Variants in PTPRN2 observed in about 807,000 individuals in gnomAD.
The protein encoded by PTPRN2 is protein tyrosine phosphatase receptor type N2.
A neutral mutation model predicts 118.8 loss-of-function variants in PTPRN2; 74 were observed. The ratio of observed to expected loss-of-function variants is 0.62; its 90% CI spans 0.52 to 0.76. The LOEUF is 0.76. Among genes scored for constraint, PTPRN2 ranks in the 30% least tolerant of loss-of-function variants. The probability of loss-of-function intolerance (pLI) is 0.00; values close to 1 mark genes in which losing one functional copy is unlikely to be tolerated. For synonymous variants in PTPRN2, 641 were observed against 608.0 expected (o/e 1.05, Z -0.80); for missense variants, 1,481 against 1,394.4 (o/e 1.06, Z -0.99).
At chr7:158,340,964 G>A (rs1448639682) in intron 2 of PTPRN2, among the ~76,000 whole-genome samples, 7 of 79,054 alleles carry the variant, frequency 8.9e-5, no homozygotes, top group East Asian at 4.1e-4. Flanking sequence ...GCTGACGCCC[G>A]CAGATGTCAC....
chr7:157,752,541 TCTG>T (rs143947439), intron 12 of PTPRN2, among the ~76,000 whole-genome samples: 1,596 of 152,288 alleles, frequency 0.01, 17 homozygotes, highest in Non-Finnish European at 0.013. Flanking sequence ...CACTCTCTCT[TCTG>T]CTTCCCTGTT....
intron 10 of PTPRN2, among the ~76,000 whole-genome samples, chr7:158,087,956 A>AC (rs544306874): frequency 3.1e-4 from 25 of 81,884 alleles, no homozygotes; most frequent in East Asian, 1.2e-3. Context: ...CTTCACACAA[A>AC]CCTTCTTCCC....
intron 5 of PTPRN2, among the ~76,000 whole-genome samples, chr7:158,190,357 C>T (rs535771668): frequency 1.8e-4 from 28 of 152,310 alleles, no homozygotes; most frequent in Admixed American, 1.7e-3. Context: ...TGCTTAGTTG[C>T]TCTCAGTTAA....
At chr7:158,419,197 T>C (rs1165740190) in intron 2 of PTPRN2, among the ~76,000 whole-genome samples, 1 of 152,246 alleles carries the variant, frequency 6.6e-6, no homozygotes, top group Non-Finnish European at 1.5e-5. Context: ...CCTGAAGACA[T>C]GTGTCCTTGG....
At chr7:158,543,319 G>A in intron 1 of PTPRN2, among the ~76,000 whole-genome samples, 1 of 152,188 alleles carries the variant, frequency 6.6e-6, no homozygotes, top group Admixed American at 6.5e-5. Flanking sequence ...GGCCCGGAGG[G>A]AAGCCGCCAT....
intron 11 of PTPRN2, among the ~76,000 whole-genome samples, chr7:157,943,946 A>C (rs1309632030): frequency 6.6e-6 from 1 of 152,120 alleles, no homozygotes; most frequent in Admixed American, 6.6e-5. Context: ...CTGGTAGTTC[A>C]TCTTTTTATG....
At chr7:157,569,064 G>A (rs1377207534) in intron 20 of PTPRN2, 98 bp from the exon 21 acceptor site, 2 of 1,188,366 alleles carry the variant, frequency 1.7e-6, no homozygotes, top group South Asian at 1.2e-5. Flanking sequence ...TGCTTACGGG[G>A]GCCGGCGAGA....
chr7:157,733,872 T>G (rs555296140), intron 12 of PTPRN2, among the ~76,000 whole-genome samples: 1 of 34,552 alleles, frequency 2.9e-5, no homozygotes, highest in South Asian at 1.1e-3. Flanking sequence ...GCACAGTTAC[T>G]CTTTTCCGTC....
At chr7:157,646,886 G>A (rs1007622395) in intron 14 of PTPRN2, among the ~76,000 whole-genome samples, 6 of 151,888 alleles carry the variant, frequency 4.0e-5, no homozygotes, top group South Asian at 2.1e-4. Context: ...ACTGTGCACC[G>A]AACTCGGTGG....
At chr7:157,981,942 C>T (rs761756364) in intron 11 of PTPRN2, among the ~76,000 whole-genome samples, 7 of 152,140 alleles carry the variant, frequency 4.6e-5, no homozygotes, top group Admixed American at 2.0e-4. Flanking sequence ...ACCCCTGAGT[C>T]ATAAAGATGA....
chr7:157,747,703 T>G (rs112923112), intron 12 of PTPRN2, among the ~76,000 whole-genome samples: 1 of 108,784 alleles, frequency 9.2e-6, no homozygotes, highest in Non-Finnish European at 1.8e-5. Context: ...GGCCTGCGTC[T>G]CTCAGCTGTG....
intron 3 of PTPRN2, among the ~76,000 whole-genome samples, chr7:158,307,991 A>C (rs1801421102): frequency 6.6e-6 from 1 of 152,190 alleles, no homozygotes. Flanking sequence ...GAGAGTCCCC[A>C]ACAGCAAGAA....
chr7:157,994,362 A>C lies in PTPRN2; in HGVS notation c.1723+86936T>G, dbSNP rs574397557. Among the ~76,000 whole-genome samples, 4 of 152,326 alleles carry C rather than the reference A, an allele frequency of 2.6e-5. No individual in the cohort carries two copies. In the South Asian group the frequency reaches 6.2e-4, roughly 24 times the overall value. On this transcript the variant is annotated intron_variant, in intron 11 of 22. Coordinates refer to ENST00000389418, the MANE Select transcript of PTPRN2 (RefSeq NM_002847.5). ...GAAAATAACCAGCAGAAAACAAACA[A>C]CACATCTTAGGGAAGGGAATTTAGA...
chr7:158,482,645 T>C (rs565646910), intron 2 of PTPRN2, among the ~76,000 whole-genome samples: 1 of 152,352 alleles, frequency 6.6e-6, no homozygotes, highest in Admixed American at 6.5e-5. Context: ...AGAAAATCTG[T>C]GTGACTCACT....
intron 2 of PTPRN2, among the ~76,000 whole-genome samples, chr7:158,442,538 T>C (rs1479958319): frequency 1.3e-5 from 2 of 152,132 alleles, no homozygotes; most frequent in Non-Finnish European, 2.9e-5. Context: ...GAGTAAGAGA[T>C]TTGGTAAGTG....
chr7:158,559,481 C>T (rs893419081), intron 1 of PTPRN2, among the ~76,000 whole-genome samples: 6 of 152,142 alleles, frequency 3.9e-5, no homozygotes, highest in Non-Finnish European at 7.4e-5. Context: ...TCCCTCTTAC[C>T]GAATATTCGT....
chr7:158,322,978 G>A (rs1240747653), intron 2 of PTPRN2, among the ~76,000 whole-genome samples: 1 of 152,210 alleles, frequency 6.6e-6, no homozygotes, highest in African/African-American at 2.4e-5. Context: ...TCTGCAAGGT[G>A]AACCTTAGGA....
chr7:157,667,242 G>T (rs930978567), intron 13 of PTPRN2, among the ~76,000 whole-genome samples: 1 of 119,878 alleles, frequency 8.3e-6, no homozygotes, highest in African/African-American at 3.0e-5. Context: ...TCTCTGGTGT[G>T]TGCAATGAGT....
At chr7:157,852,755 G>A (rs952088913) in intron 12 of PTPRN2, among the ~76,000 whole-genome samples, 2 of 151,072 alleles carry the variant, frequency 1.3e-5, no homozygotes, top group African/African-American at 2.4e-5. Flanking sequence ...TGTAATCCCA[G>A]CTACTCGGGA....
Sources: allele counts gnomAD v4.1 joint callset (sites outside exome capture counted in the v4.1 genomes callset), GRCh38; gene constraint gnomAD v4.1.1; transcripts MANE v1.5; gene names NCBI Gene and HGNC (gene_info 2026-07-23, HGNC 2026-07-21).